GFRA1: variants seen among roughly 807,000 people sequenced by gnomAD.
GFRA1 encodes GDNF family receptor alpha 1.
GFRA1 carries 16 observed loss-of-function variants against 51.6 expected under a neutral mutation model. The ratio of observed to expected loss-of-function variants is 0.31; its 90% CI spans 0.21 to 0.47. The LOEUF (loss-of-function observed/expected upper bound fraction) is 0.47, where lower values mean the gene tolerates loss of function less well. Ranked by LOEUF, GFRA1 falls within the 20% of genes least tolerant of loss-of-function variation. The pLI is 1.00. For synonymous variants in GFRA1, 270 were observed against 241.3 expected (o/e 1.12, Z -1.10); for missense variants, 530 against 594.3 (o/e 0.89, Z 1.13).
At chr10:116,159,973 CA>C (rs1184257846) in intron 5 of GFRA1, among the ~76,000 whole-genome samples, 1 of 152,136 alleles carries the variant, frequency 6.6e-6, no homozygotes, top group South Asian at 2.1e-4. Flanking sequence ...TTTTCTTTAC[CA>C]AAACAAAATC....
At chr10:116,211,181 G>A (rs1965165356) in intron 5 of GFRA1, among the ~76,000 whole-genome samples, 1 of 152,204 alleles carries the variant, frequency 6.6e-6, no homozygotes, top group South Asian at 2.1e-4. Flanking sequence ...CCATGGCCTT[G>A]CCACACCTCT....
In GFRA1 at chr10:116,081,750, T is replaced by A. The variant is rs568789630; in HGVS notation, c.1197+7991A>T. ...ATCTGTCATAGAATGAGATGGTTTATAATGTTTTCCAAAGTGGGGCTTGGG... is the reference window on the plus strand; with the variant it reads ...ATCTGTCATAGAATGAGATGGTTTAAAATGTTTTCCAAAGTGGGGCTTGGG... On this transcript the variant is annotated intron_variant, in intron 9 of 10. Coordinates refer to ENST00000355422, the MANE Select transcript of GFRA1 (RefSeq NM_005264.8). Among the ~76,000 whole-genome samples, 27 of 152,350 alleles carry A rather than the reference T, an allele frequency of 1.8e-4. No individual in the cohort carries two copies. The East Asian group carries it at 5.2e-3, about 29-fold the overall frequency.
chr10:116,184,349 C>A (rs1962509675), intron 5 of GFRA1, among the ~76,000 whole-genome samples: 1 of 152,100 alleles, frequency 6.6e-6, no homozygotes, highest in Non-Finnish European at 1.5e-5. Flanking sequence ...GAGGTCCACG[C>A]AGCTTGGAGG....
intron 6 of GFRA1, among the ~76,000 whole-genome samples, chr10:116,119,478 C>T (rs1216274643): frequency 6.6e-6 from 1 of 152,150 alleles, no homozygotes; most frequent in Admixed American, 6.5e-5. Context: ...ACTTTCTTTC[C>T]ATGGTTCAAA....
intron 5 of GFRA1, among the ~76,000 whole-genome samples, chr10:116,177,207 T>C (rs1393263261): frequency 6.6e-6 from 1 of 151,640 alleles, no homozygotes; most frequent in Non-Finnish European, 1.5e-5. Context: ...TCATCCAGGG[T>C]CTTCTGACTA....
In GFRA1 at chr10:116,150,542, C is replaced by T. The variant is rs12249983; in HGVS notation, c.434-24985G>A. Among the ~76,000 whole-genome samples the T allele has an allele frequency of 7.7e-3, 1,169 of 152,278 alleles. 15 individuals carry two copies. The highest frequency in any genetic ancestry group is 0.027 in the African/African-American group (1,105 of 41,546). On this transcript the variant is annotated intron_variant, in intron 5 of 10. Transcript: ENST00000355422. ...CCATGTAACTGTTTTCCTGTCTGCC[C>T]CAAGAATATTCACCAGTGGCACTTG...
intron 5 of GFRA1, among the ~76,000 whole-genome samples, chr10:116,164,368 A>G (rs1472424164): frequency 6.6e-6 from 1 of 151,114 alleles, no homozygotes; most frequent in African/African-American, 2.4e-5. Flanking sequence ...AAAACCTCAT[A>G]TTGTTTTGTT....
chr10:116,252,634 C>CAGGG (rs1968481480), intron 4 of GFRA1, among the ~76,000 whole-genome samples: 1 of 152,164 alleles, frequency 6.6e-6, no homozygotes, highest in South Asian at 2.1e-4. Flanking sequence ...TCACCACTTC[C>CAGGG]GCCCTGGAAA....
intron 5 of GFRA1, among the ~76,000 whole-genome samples, chr10:116,203,524 C>G (rs1964498519): frequency 6.6e-6 from 1 of 152,196 alleles, no homozygotes. Flanking sequence ...GACTGTGCAC[C>G]AGCACAGGCA....
intron 8 of GFRA1, among the ~76,000 whole-genome samples, chr10:116,093,249 T>C (rs572898533): frequency 6.6e-6 from 1 of 152,218 alleles, no homozygotes; most frequent in Admixed American, 6.5e-5. Context: ...TCTCAGAGAG[T>C]CCTTGGAGGC....
chr10:116,158,963 T>A (rs950447356), intron 5 of GFRA1, among the ~76,000 whole-genome samples: 1 of 152,212 alleles, frequency 6.6e-6, no homozygotes, highest in African/African-American at 2.4e-5. Context: ...ACCAAACGCA[T>A]GGGCATCCCA....
Position 116,085,668 on chromosome 10 carries a change from C to T in GFRA1, c.1197+4073G>A, listed in dbSNP as rs1299837298. 4.6e-5 allele frequency among the ~76,000 whole-genome samples: 7 copies of T among 151,952 alleles called. No homozygotes were observed. In the East Asian group the frequency reaches 1.2e-3, roughly 25 times the overall value. On this transcript the variant is annotated intron_variant, in intron 9 of 10. Coordinates refer to ENST00000355422, the MANE Select transcript of GFRA1 (RefSeq NM_005264.8). Reference sequence around the variant, plus strand: ...GGGACCACATTCTTGGGATGAAGGCCCTTCACTCATCACTCTCTCATCCCC... The same window carrying T: ...GGGACCACATTCTTGGGATGAAGGCTCTTCACTCATCACTCTCTCATCCCC...
At chr10:116,207,570 CT>C (rs35587143) in intron 5 of GFRA1, among the ~76,000 whole-genome samples, 1 of 152,072 alleles carries the variant, frequency 6.6e-6, no homozygotes, top group Non-Finnish European at 1.5e-5. Flanking sequence ...AATTTGGTGT[CT>C]TTCCTCTGCA....
chr10:116,095,335 T>G (rs531434724), intron 7 of GFRA1, among the ~76,000 whole-genome samples: 2 of 152,148 alleles, frequency 1.3e-5, no homozygotes, highest in African/African-American at 2.4e-5. Context: ...GCAGCTAGAG[T>G]TGAGTTGGAG....
chr10:116,122,698 G>A (rs1204213487), intron 6 of GFRA1, among the ~76,000 whole-genome samples: 1 of 152,158 alleles, frequency 6.6e-6, no homozygotes, highest in Non-Finnish European at 1.5e-5. Context: ...GGAGGTCTCA[G>A]ACCTTCTCTG....
At chr10:116,213,877 T>C (rs554571466) in intron 4 of GFRA1, among the ~76,000 whole-genome samples, 3 of 152,266 alleles carry the variant, frequency 2.0e-5, no homozygotes, top group Non-Finnish European at 2.9e-5. Context: ...TCCCAGGGAA[T>C]TGGCAAAAAC....
intron 5 of GFRA1, among the ~76,000 whole-genome samples, chr10:116,159,967 C>T (rs1401097399): frequency 6.6e-6 from 1 of 152,192 alleles, no homozygotes; most frequent in African/African-American, 2.4e-5. Context: ...AGGTTCTTTT[C>T]TTTACCAAAA....
intron 4 of GFRA1, among the ~76,000 whole-genome samples, chr10:116,219,422 A>G (rs1965776606): frequency 6.6e-6 from 1 of 152,212 alleles, no homozygotes; most frequent in African/African-American, 2.4e-5. Flanking sequence ...AGTAATTATA[A>G]TAAGACTAAT....
rs147311612 is a variant in GFRA1, at chr10:116,096,674, G to A, written c.861C>T (p.Leu287=). Residue 287 remains leucine (L), a synonymous_variant, in exon 7 of 11, where the codon CTC becomes CTT. Coordinates refer to ENST00000355422, the MANE Select transcript of GFRA1 (RefSeq NM_005264.8). ...CLKENYADCL[L]AYSGLIGTVM... ...TCTTACCAATAAGCCCCGAGTAGGCGAGGAGGCAGTCAGCGTAGTTTTCCT... is the reference window on the plus strand; with the variant it reads ...TCTTACCAATAAGCCCCGAGTAGGCAAGGAGGCAGTCAGCGTAGTTTTCCT... 143 of 1,598,536 alleles carry A rather than the reference G, an allele frequency of 8.9e-5. No individual in the cohort carries two copies. The highest frequency in any genetic ancestry group is 1.1e-4 in the Non-Finnish European group (131 of 1,166,278).
Sources: allele counts gnomAD v4.1 joint callset (sites outside exome capture counted in the v4.1 genomes callset), GRCh38; gene constraint gnomAD v4.1.1; transcripts MANE v1.5; gene names NCBI Gene and HGNC (gene_info 2026-07-23, HGNC 2026-07-21).